The following AGRN variants were observed in gnomAD, a reference collection of about 807,000 sequenced individuals.
AGRN encodes the protein agrin proteoglycan.
Under a neutral mutation model 211.0 loss-of-function variants are expected in AGRN, and 106 were observed. The ratio of observed to expected loss-of-function variants is 0.50; its 90% confidence interval spans 0.43 to 0.59. The LOEUF (loss-of-function observed/expected upper bound fraction) is 0.59, where lower values mean the gene tolerates loss of function less well. Ranked by LOEUF, AGRN falls within the 20% of genes least tolerant of loss-of-function variation. AGRN has a pLI of 0.00. For missense variants in AGRN, 3,040 were observed against 2,982.6 expected (o/e 1.02, Z -0.45); for synonymous variants, 1,525 against 1,332.5 (o/e 1.14, Z -3.15).
chr1:1,047,212 C>G, intron 19 of AGRN, 115 bp from the exon 20 acceptor site: 1 of 1,491,494 alleles, frequency 6.7e-7, no homozygotes, highest in Non-Finnish European at 8.9e-7. Flanking sequence ...TCATGACCAT[C>G]TGACTAACAT....
intron 2 of AGRN, among the ~76,000 whole-genome samples, chr1:1,027,410 G>A (rs1644544075): frequency 1.3e-5 from 2 of 152,186 alleles, no homozygotes; most frequent in Admixed American, 6.5e-5. Context: ...CTGGTGGTGG[G>A]TGACCCTGGC....
intron 3 of AGRN, among the ~76,000 whole-genome samples, chr1:1,037,544 T>C (rs1644830248): frequency 6.6e-6 from 1 of 152,200 alleles, no homozygotes; most frequent in Admixed American, 6.5e-5. Flanking sequence ...GCCTCCAGCG[T>C]TGCACACAGT....
intron 30 of AGRN, 194 bp downstream of exon 30, chr1:1,051,031 G>A (rs1192326000): frequency 2.6e-6 from 4 of 1,549,174 alleles, no homozygotes; most frequent in Non-Finnish European, 3.5e-6. Context: ...TCGGAGGCCA[G>A]AAATCCCGCA....
Position 1,048,382 on chromosome 1 carries a change from C to A in AGRN, c.4105+17C>A. ...GTGAGAAGGGTAAGGATGTCCACTG[C>A]AGAGGAGGGCGGGGAGGCAGCAGGG... is the stretch of plus-strand genomic sequence containing the variant. On this transcript the variant is annotated intron_variant, in intron 23 of 35. Transcript: ENST00000379370. The surrounding 1 kb of genome is among the most constrained non-coding windows in gnomAD (Gnocchi z 5.9). 7.0e-7 allele frequency: 1 copy of A among 1,421,158 alleles called. No homozygotes were observed. The highest frequency in any genetic ancestry group is 9.3e-7 in the Non-Finnish European group (1 of 1,073,536). 88.0% of individuals were successfully genotyped at this position (1,421,158 alleles called of 1,614,324 possible). A position where few individuals can be genotyped will look rare whatever the true frequency, so the allele number is the denominator to read the frequency against.
chr1:1,037,512 C>T (rs542025046), intron 3 of AGRN, among the ~76,000 whole-genome samples: 1 of 152,186 alleles, frequency 6.6e-6, no homozygotes, highest in Non-Finnish European at 1.5e-5. Flanking sequence ...TAAATATACC[C>T]GCTCCTATAA....
In AGRN at chr1:1,048,805, A is replaced by C. The variant is rs1311054451; in HGVS notation, c.4106-62A>C. On this transcript the variant is annotated intron_variant, in intron 23 of 35. Coordinates refer to ENST00000379370, the MANE Select transcript of AGRN (RefSeq NM_198576.4). The surrounding 1 kb of genome is among the most constrained non-coding windows in gnomAD (Gnocchi z 5.9). ...AAAAAAAAAAGCAGGGGGCGGTTTC[A>C]GGGATAAAAGTGGGGAATCCTCGGA... 1.5e-6 allele frequency: 2 copies of C among 1,328,600 alleles called. No homozygotes were observed. The highest frequency in any genetic ancestry group is 1.4e-5 in the South Asian group (1 of 73,070). 82.3% of individuals were successfully genotyped at this position (1,328,600 alleles called of 1,614,324 possible). A position where few individuals can be genotyped will look rare whatever the true frequency, so the allele number is the denominator to read the frequency against.
At chr1:1,020,934 C>T (rs893465323) in intron 1 of AGRN, among the ~76,000 whole-genome samples, 14 of 151,582 alleles carry the variant, frequency 9.2e-5, no homozygotes, top group Non-Finnish European at 1.6e-4. Context: ...CCCCATCGCG[C>T]TCCTGCGGGA....
intron 34 of AGRN, 148 bp downstream of exon 34, chr1:1,054,125 G>A (rs1645387887): frequency 4.5e-6 from 4 of 895,640 alleles, no homozygotes; most frequent in East Asian, 2.6e-5. Context: ...GAGGAGGAAG[G>A]GCCAAGAAGA....
At chr1:1,050,090 G>A in intron 27 of AGRN, 53 bp downstream of exon 27, 3 of 1,553,608 alleles carry the variant, frequency 1.9e-6, no homozygotes, top group Non-Finnish European at 2.6e-6. Context: ...TGAACGTTTG[G>A]GCGGGTACAG....
At chr1:1,042,726 C>T (rs772116566) in intron 7 of AGRN, among the ~76,000 whole-genome samples, 1 of 152,202 alleles carries the variant, frequency 6.6e-6, no homozygotes, top group African/African-American at 2.4e-5. Flanking sequence ...CCGTGCCTGC[C>T]CTCCAGGAGC....
At chr1:1,043,147 C>G in intron 7 of AGRN, 92 bp from the exon 8 acceptor site, 7 of 1,383,962 alleles carry the variant, frequency 5.1e-6, no homozygotes, top group Non-Finnish European at 7.0e-6. Context: ...ACCATCCCCT[C>G]CCTGGAAGAG....
chr1:1,033,118 G>GC (rs1050412274), intron 2 of AGRN, among the ~76,000 whole-genome samples: 3 of 152,052 alleles, frequency 2.0e-5, no homozygotes, highest in African/African-American at 7.2e-5. Flanking sequence ...GGGCGTTCCA[G>GC]CCCCACGGAC....
intron 3 of AGRN, among the ~76,000 whole-genome samples, chr1:1,038,318 G>A (rs375091134): frequency 1.3e-5 from 2 of 152,152 alleles, no homozygotes; most frequent in East Asian, 1.9e-4. Flanking sequence ...TCAAGGTCCC[G>A]CCAGGTACCC....
intron 7 of AGRN, among the ~76,000 whole-genome samples, chr1:1,042,875 C>T (rs1185419077): frequency 6.6e-6 from 1 of 152,032 alleles, no homozygotes; most frequent in East Asian, 1.9e-4. Context: ...AGGCTCCTCC[C>T]ACCCACAGAG....
At chr1:1,030,647 A>G (rs1245114595) in intron 2 of AGRN, among the ~76,000 whole-genome samples, 2 of 7,210 alleles carry the variant, frequency 2.8e-4, no homozygotes, top group African/African-American at 6.2e-4. Context: ...TGAGATCAGC[A>G]TGTGTGTGTG....
At chr1:1,047,962 C>A in intron 22 of AGRN, 50 bp from the exon 23 acceptor site, 1 of 1,572,548 alleles carries the variant, frequency 6.4e-7, no homozygotes, top group Non-Finnish European at 8.6e-7. Flanking sequence ...GCCCCTCACC[C>A]CTTCCTGGCC....
At chr1:1,047,184 C>T (rs922947599) in intron 19 of AGRN, 143 bp from the exon 20 acceptor site, 4 of 1,414,910 alleles carry the variant, frequency 2.8e-6, no homozygotes, top group African/African-American at 1.4e-5. Context: ...CAGCCCCACC[C>T]TGGGGTCCCC....
chr1:1,051,145 C>T (rs1399832541), intron 30 of AGRN, 108 bp from the exon 31 acceptor site: 7 of 1,518,502 alleles, frequency 4.6e-6, no homozygotes, highest in South Asian at 1.2e-5. Context: ...ATTAACGCTG[C>T]CCCCTAGATA....
intron 33 of AGRN, chr1:1,053,520 G>T: frequency 6.5e-7 from 1 of 1,529,666 alleles, no homozygotes; most frequent in South Asian, 1.2e-5. Flanking sequence ...AGTGCCTGCA[G>T]ACCCCTGGCT....
Sources: allele counts gnomAD v4.1 joint callset (sites outside exome capture counted in the v4.1 genomes callset), GRCh38; gene constraint gnomAD v4.1.1; non-coding constraint Gnocchi (gnomAD v3.1); transcripts MANE v1.5; gene names NCBI Gene and HGNC (gene_info 2026-07-23, HGNC 2026-07-21).